The following C1orf87 variants were observed in gnomAD, a reference collection of about 807,000 sequenced individuals.
C1orf87 encodes the protein chromosome 1 open reading frame 87.
A neutral mutation model predicts 60.5 loss-of-function variants in C1orf87; 58 were observed. That is an observed-to-expected ratio of 0.96 (90% CI 0.78 to 1.19). C1orf87 has a LOEUF of 1.19. C1orf87 is among the 50% of genes most tolerant of loss of function. The pLI, the probability that C1orf87 is intolerant of heterozygous loss-of-function variation, is 0.00. For missense variants in C1orf87, 673 were observed against 638.6 expected (o/e 1.05, Z -0.58); for synonymous variants, 236 against 227.4 (o/e 1.04, Z -0.34).
At chr1:60,015,189 C>T (rs570106944) in intron 8 of C1orf87, among the ~76,000 whole-genome samples, 1 of 152,226 alleles carries the variant, frequency 6.6e-6, no homozygotes, top group South Asian at 2.1e-4. Flanking sequence ...AGTGATTAGG[C>T]CGTGGGGGCA....
chr1:60,026,985 T>C (rs1007312962), intron 7 of C1orf87, among the ~76,000 whole-genome samples: 3 of 152,248 alleles, frequency 2.0e-5, no homozygotes, highest in Non-Finnish European at 2.9e-5. Flanking sequence ...TAGCTCATTA[T>C]GTATGTGTAA....
intron 2 of C1orf87, among the ~76,000 whole-genome samples, chr1:60,072,274 T>C (rs1265290207): frequency 6.6e-6 from 1 of 152,176 alleles, no homozygotes; most frequent in African/African-American, 2.4e-5. Context: ...TTAATATTTA[T>C]AAATGTCGCA....
intron 3 of C1orf87, among the ~76,000 whole-genome samples, chr1:60,054,132 T>G (rs1645435590): frequency 6.6e-6 from 1 of 152,272 alleles, no homozygotes; most frequent in African/African-American, 2.4e-5. Flanking sequence ...CCTCTGCAGA[T>G]TCACTATCTT....
At chr1:60,053,014 A>G (rs1020993399) in intron 3 of C1orf87, among the ~76,000 whole-genome samples, 3 of 152,084 alleles carry the variant, frequency 2.0e-5, no homozygotes, top group African/African-American at 7.2e-5. Context: ...CTGGGAGGGG[A>G]GGGGCAAATT....
At chr1:60,024,857 G>A (rs979105016) in intron 8 of C1orf87, among the ~76,000 whole-genome samples, 1 of 152,126 alleles carries the variant, frequency 6.6e-6, no homozygotes, top group Non-Finnish European at 1.5e-5. Context: ...GGTAAGTCTA[G>A]TCCCTGATAG....
At chr1:60,054,864 C>A (rs1645441485) in intron 3 of C1orf87, among the ~76,000 whole-genome samples, 1 of 152,070 alleles carries the variant, frequency 6.6e-6, no homozygotes, top group African/African-American at 2.4e-5. Flanking sequence ...TAAAAGCAGA[C>A]AGACTCTTAC....
intron 2 of C1orf87, among the ~76,000 whole-genome samples, chr1:60,058,629 C>A (rs1267272756): frequency 6.6e-6 from 1 of 151,968 alleles, no homozygotes; most frequent in African/African-American, 2.4e-5. Context: ...TCAGGTGTTC[C>A]TATTATTATT....
At chr1:60,027,436 C>T (rs1488917969) in intron 7 of C1orf87, among the ~76,000 whole-genome samples, 1 of 152,222 alleles carries the variant, frequency 6.6e-6, no homozygotes, top group African/African-American at 2.4e-5. Context: ...CTGACAGAAC[C>T]TGGCGCTTCC....
At chr1:60,003,961 G>A (rs921860593) in intron 9 of C1orf87, among the ~76,000 whole-genome samples, 4 of 151,926 alleles carry the variant, frequency 2.6e-5, no homozygotes, top group South Asian at 4.1e-4. Flanking sequence ...CAGTTAGGGC[G>A]GCCTTTTGAG....
intron 3 of C1orf87, among the ~76,000 whole-genome samples, chr1:60,047,311 T>C (rs931990336): frequency 1.3e-5 from 2 of 152,358 alleles, no homozygotes; most frequent in South Asian, 4.1e-4. Context: ...ATAATCATTA[T>C]GAATATATAC....
At chr1:60,035,796 T>C (rs758917969) in intron 6 of C1orf87, among the ~76,000 whole-genome samples, 5 of 152,232 alleles carry the variant, frequency 3.3e-5, no homozygotes, top group Non-Finnish European at 5.9e-5. Flanking sequence ...AGGAACTATG[T>C]TAGAACTATG....
At chr1:60,021,722 A>G (rs1212195458) in intron 8 of C1orf87, among the ~76,000 whole-genome samples, 2 of 152,226 alleles carry the variant, frequency 1.3e-5, no homozygotes, top group Admixed American at 6.5e-5. Context: ...TCTGTCAGGG[A>G]GATACAGATA....
intron 2 of C1orf87, among the ~76,000 whole-genome samples, chr1:60,062,116 T>A (rs1645501516): frequency 6.6e-6 from 1 of 152,190 alleles, no homozygotes; most frequent in Non-Finnish European, 1.5e-5. Context: ...ATGCTTCCTT[T>A]ATTTAGTTTC....
intron 2 of C1orf87, among the ~76,000 whole-genome samples, chr1:60,071,652 T>C (rs1645584610): frequency 6.6e-6 from 1 of 152,222 alleles, no homozygotes; most frequent in Non-Finnish European, 1.5e-5. Context: ...GTGACCTACA[T>C]TCAGAGATTT....
intron 7 of C1orf87, 79 bp downstream of exon 7, chr1:60,033,397 C>T (rs985067776): frequency 4.4e-6 from 6 of 1,363,448 alleles, no homozygotes; most frequent in Middle Eastern, 1.8e-4. Flanking sequence ...ATGGATCAGC[C>T]CTGTGCCTTA....
chr1:59,997,935 C>A, intron 10 of C1orf87, 119 bp from the exon 11 acceptor site: 1 of 945,866 alleles, frequency 1.1e-6, no homozygotes, highest in Non-Finnish European at 1.6e-6. Context: ...GTTTGGAAAG[C>A]TAAGAGGATG....
chr1:60,016,932 C>T (rs1235609078), intron 8 of C1orf87, among the ~76,000 whole-genome samples: 1 of 152,324 alleles, frequency 6.6e-6, no homozygotes, highest in East Asian at 1.9e-4. Context: ...AGCCTCTGTG[C>T]CTAGTCATTA....
At chr1:59,998,563 C>G (rs906737529) in intron 10 of C1orf87, among the ~76,000 whole-genome samples, 43 of 152,160 alleles carry the variant, frequency 2.8e-4, no homozygotes, top group African/African-American at 1.0e-3. Context: ...GCCCAGCCCA[C>G]CTTTTGCAGA....
At chr1:60,029,763 C>T (rs977206263) in intron 7 of C1orf87, among the ~76,000 whole-genome samples, 1 of 151,678 alleles carries the variant, frequency 6.6e-6, no homozygotes, top group Non-Finnish European at 1.5e-5. Flanking sequence ...GCCTCAGCCT[C>T]CCAAGTAGCT....
Sources: allele counts gnomAD v4.1 joint callset (sites outside exome capture counted in the v4.1 genomes callset), GRCh38; gene constraint gnomAD v4.1.1; transcripts MANE v1.5; gene names NCBI Gene and HGNC (gene_info 2026-07-23, HGNC 2026-07-21).